FGF12: variants seen among roughly 807,000 people sequenced by gnomAD.
FGF12 encodes fibroblast growth factor 12B.
In FGF12, 14 loss-of-function variants were observed where a neutral mutation model predicts 23.6. The observed-to-expected ratio is 0.59, with a 90% CI of 0.39 to 0.93. The LOEUF (loss-of-function observed/expected upper bound fraction) is 0.93. Among genes scored for constraint, FGF12 ranks in the 40% least tolerant of loss-of-function variants. The pLI is 0.00. For synonymous variants in FGF12, 62 were observed against 77.3 expected, an observed-to-expected ratio of 0.80 and a Z score of 1.04; for missense variants, 175 against 217.8, an observed-to-expected ratio of 0.80 and a Z score of 1.24.
chr3:192,557,603 G>C (rs1417680450), intron 2 of FGF12, among the ~76,000 whole-genome samples: 1 of 151,692 alleles, frequency 6.6e-6, no homozygotes, highest in Non-Finnish European at 1.5e-5. Flanking sequence ...GACAAACAAA[G>C]ACACCAAAAG....
intron 2 of FGF12, among the ~76,000 whole-genome samples, chr3:192,377,322 C>T (rs4299433): frequency 0.14 from 20,743 of 152,152 alleles, 1,596 homozygotes; most frequent in East Asian, 0.35. Flanking sequence ...TTCTAGTAAT[C>T]GCCACCTGAA....
At chr3:192,324,447 T>C (rs963762603) in intron 4 of FGF12, among the ~76,000 whole-genome samples, 1 of 152,240 alleles carries the variant, frequency 6.6e-6, no homozygotes, top group African/African-American at 2.4e-5. Flanking sequence ...CTACTGTTAC[T>C]GCTTATGGCT....
At chr3:192,182,087 A>T (rs1417845729) in intron 4 of FGF12, among the ~76,000 whole-genome samples, 1 of 152,188 alleles carries the variant, frequency 6.6e-6, no homozygotes, top group Non-Finnish European at 1.5e-5. Flanking sequence ...ATATTACTGG[A>T]TATAATTAAT....
At chr3:192,492,112 G>A (rs1230762979) in intron 2 of FGF12, among the ~76,000 whole-genome samples, 1 of 152,024 alleles carries the variant, frequency 6.6e-6, no homozygotes, top group Non-Finnish European at 1.5e-5. Context: ...TGGCATCGCA[G>A]GAAGAAAAAC....
At chr3:192,267,500 G>T (rs1367027274) in intron 4 of FGF12, among the ~76,000 whole-genome samples, 1 of 152,044 alleles carries the variant, frequency 6.6e-6, no homozygotes, top group Non-Finnish European at 1.5e-5. Flanking sequence ...ATTAGTAGGG[G>T]CCAAGAAGAT....
chr3:192,351,708 T>C (rs1167482433), intron 3 of FGF12, among the ~76,000 whole-genome samples: 1 of 152,170 alleles, frequency 6.6e-6, no homozygotes, highest in Non-Finnish European at 1.5e-5. Context: ...CATACTCTAA[T>C]AGGGAAAACA....
At chr3:192,463,481 C>T (rs539637388) in intron 2 of FGF12, among the ~76,000 whole-genome samples, 1 of 152,248 alleles carries the variant, frequency 6.6e-6, no homozygotes, top group Non-Finnish European at 1.5e-5. Context: ...TAATAAAAGA[C>T]ATACCTTGTT....
intron 4 of FGF12, among the ~76,000 whole-genome samples, chr3:192,220,050 T>C (rs779384522): frequency 6.6e-6 from 1 of 152,188 alleles, no homozygotes; most frequent in African/African-American, 2.4e-5. Flanking sequence ...ATAGTCCTAC[T>C]GCCATTGTTC....
chr3:192,351,868 A>G (rs1718234338), intron 3 of FGF12, among the ~76,000 whole-genome samples: 2 of 152,202 alleles, frequency 1.3e-5, no homozygotes, highest in Admixed American at 6.5e-5. Context: ...AAGACCTCAC[A>G]TGGACAAAAG....
At chr3:192,323,144 T>C (rs929135996) in intron 4 of FGF12, among the ~76,000 whole-genome samples, 1 of 152,122 alleles carries the variant, frequency 6.6e-6, no homozygotes, top group Non-Finnish European at 1.5e-5. Flanking sequence ...AGTACACCTA[T>C]GGAAAACAGT....
chr3:192,701,503 T>C (rs1718296644), intron 2 of FGF12, among the ~76,000 whole-genome samples: 1 of 152,136 alleles, frequency 6.6e-6, no homozygotes, highest in African/African-American at 2.4e-5. Flanking sequence ...ACATTAATTA[T>C]TTTTCAAAGA....
chr3:192,282,824 A>G (rs1349281715), intron 4 of FGF12: 1 of 152,132 alleles, frequency 6.6e-6, no homozygotes, highest in Non-Finnish European at 1.5e-5. Context: ...TTGCACAGAG[A>G]GTGCAGAGAG....
chr3:192,513,670 G>A (rs1446609255), intron 2 of FGF12, among the ~76,000 whole-genome samples: 3 of 152,146 alleles, frequency 2.0e-5, no homozygotes, highest in African/African-American at 7.2e-5. Flanking sequence ...GTATAATGTT[G>A]TTAAATTTTT....
At chr3:192,335,150 C>T (rs140132688) in intron 4 of FGF12, among the ~76,000 whole-genome samples, 40 of 152,280 alleles carry the variant, frequency 2.6e-4, no homozygotes, top group African/African-American at 8.2e-4. Context: ...GAATTTATAT[C>T]GCATGGAGAG....
intron 3 of FGF12, among the ~76,000 whole-genome samples, chr3:192,343,777 A>G (rs987490262): frequency 1.3e-5 from 2 of 152,146 alleles, no homozygotes; most frequent in African/African-American, 4.8e-5. Flanking sequence ...TGTTTGTCTG[A>G]GTTTCCCTGA....
At chr3:192,355,868 G>A (rs750254592) in intron 3 of FGF12, among the ~76,000 whole-genome samples, 3 of 152,088 alleles carry the variant, frequency 2.0e-5, no homozygotes, top group South Asian at 2.1e-4. Context: ...TTTTGTTTTC[G>A]TCGTGTTCAG....
intron 4 of FGF12, among the ~76,000 whole-genome samples, chr3:192,183,690 A>G (rs182170752): frequency 2.0e-5 from 3 of 152,224 alleles, no homozygotes; most frequent in Admixed American, 2.0e-4. Context: ...CTCTGTCCTC[A>G]TCATAGAATC....
intron 4 of FGF12, among the ~76,000 whole-genome samples, chr3:192,247,319 A>C (rs114788548): frequency 6.6e-6 from 1 of 152,184 alleles, no homozygotes; most frequent in Admixed American, 6.6e-5. Flanking sequence ...TCGTCACTGT[A>C]GAGTATCAAA....
intron 2 of FGF12, among the ~76,000 whole-genome samples, chr3:192,490,165 A>G (rs1200658585): frequency 2.6e-5 from 4 of 151,658 alleles, no homozygotes; most frequent in African/African-American, 9.7e-5. Flanking sequence ...GAAAAGTCTC[A>G]CCTTGTTTCT....
Sources: allele counts gnomAD v4.1 joint callset (sites outside exome capture counted in the v4.1 genomes callset), GRCh38; gene constraint gnomAD v4.1.1; transcripts MANE v1.5; gene names NCBI Gene and HGNC (gene_info 2026-07-23, HGNC 2026-07-21).